The following RBFOX3 variants were observed in gnomAD, a reference collection of about 807,000 sequenced individuals.
RBFOX3 encodes RNA binding protein fox-1 homolog 3.
A neutral mutation model predicts 48.7 loss-of-function variants in RBFOX3; 17 were observed. The observed-to-expected ratio is 0.35, with a 90% CI of 0.24 to 0.52. The LOEUF (loss-of-function observed/expected upper bound fraction) is 0.52, where lower values mean the gene tolerates loss of function less well. Ranked by LOEUF, RBFOX3 falls within the 20% of genes least tolerant of loss-of-function variation. RBFOX3 has a pLI of 0.94. For missense variants in RBFOX3, 382 were observed against 497.5 expected, an observed-to-expected ratio of 0.77 and a Z score of 2.21; for synonymous variants, 212 against 209.5, an observed-to-expected ratio of 1.01 and a Z score of -0.10.
intron 4 of RBFOX3, among the ~76,000 whole-genome samples, chr17:79,123,286 C>T (rs1246705442): frequency 1.3e-5 from 2 of 152,202 alleles, no homozygotes; most frequent in Non-Finnish European, 2.9e-5. Context: ...GTGATTATCA[C>T]ACACTGCATG....
chr17:79,521,740 CAT>C (rs1462407610), intron 1 of RBFOX3, among the ~76,000 whole-genome samples: 7 of 152,162 alleles, frequency 4.6e-5, no homozygotes, highest in Non-Finnish European at 8.8e-5. Flanking sequence ...CACACACACA[CAT>C]ATACATACAC....
rs373288398 is a variant in RBFOX3 at position 79,139,746 on chromosome 17, C to T, written c.-33-23998G>A. On this transcript the variant is annotated intron_variant, in intron 4 of 14. Coordinates refer to ENST00000693108, the MANE Select transcript of RBFOX3 (RefSeq NM_001350451.2). ...ATCCTTCCCAAAGGCAGAAATGGGC[C>T]CTTCTGCCGCTAGGGATCAGCCAGG... Among the ~76,000 whole-genome samples, 139 of 152,272 alleles carry T rather than the reference C, an allele frequency of 9.1e-4. 4 individuals are homozygous for T. In the South Asian group the frequency reaches 0.028, roughly 31 times the overall value.
chr17:79,097,420 C>A lies in RBFOX3; in HGVS notation c.627G>T (p.Thr209=). The change falls in exon 11 of 15, where the codon ACG becomes ACT. Residue 209 remains threonine, a synonymous_variant. Transcript: ENST00000693108. ...TGCCGGTGGTGGGGTAGGGGAACCC[C>A]GTCACTGCAGGAAACGGGGCCCGAG... is the stretch of plus-strand genomic sequence containing the variant. ...AVYGPEFYAV[T]GFPYPTTGTA... 6.5e-7 allele frequency: 1 copy of A among 1,545,578 alleles called. No individual in the cohort carries two copies. The highest frequency in any genetic ancestry group is 8.7e-7 in the Non-Finnish European group (1 of 1,144,650).
At chr17:79,508,885 C>G (rs35615950) in intron 1 of RBFOX3, 43,383 of 152,352 alleles carry the variant, frequency 0.28, 7,333 homozygotes, top group Non-Finnish European at 0.37. Context: ...CACACCAAAG[C>G]CAAGGACTTC....
At chr17:79,202,427 G>A (rs1353430708) in intron 4 of RBFOX3, among the ~76,000 whole-genome samples, 4 of 152,144 alleles carry the variant, frequency 2.6e-5, no homozygotes, top group African/African-American at 7.2e-5. Context: ...CTGTATCCTG[G>A]TAGAGTCTGC....
chr17:79,153,853 C>A (rs964056655), intron 4 of RBFOX3, among the ~76,000 whole-genome samples: 2 of 152,188 alleles, frequency 1.3e-5, no homozygotes, highest in Non-Finnish European at 2.9e-5. Context: ...CACATGCCCA[C>A]ACAGGCCTGA....
At chr17:79,484,377 G>T (rs1487348303) in intron 1 of RBFOX3, among the ~76,000 whole-genome samples, 1 of 152,186 alleles carries the variant, frequency 6.6e-6, no homozygotes, top group Non-Finnish European at 1.5e-5. Flanking sequence ...CCACTGCTGG[G>T]TGTGGGAGCC....
the RBFOX3 span, among the ~76,000 whole-genome samples, chr17:79,620,638 C>CACACAT: frequency 6.8e-6 from 1 of 146,412 alleles, no homozygotes; most frequent in Non-Finnish European, 1.5e-5. Flanking sequence ...CACACGCACA[C>CACACAT]GCACACACAC....
At chr17:79,429,818 C>CA (rs2068084508) in intron 2 of RBFOX3, among the ~76,000 whole-genome samples, 1 of 152,202 alleles carries the variant, frequency 6.6e-6, no homozygotes, top group East Asian at 1.9e-4. Context: ...AACATCCCTA[C>CA]ATTTGTTCTT....
the RBFOX3 span, among the ~76,000 whole-genome samples, chr17:79,641,051 A>G: frequency 6.6e-6 from 1 of 152,354 alleles, no homozygotes; most frequent in East Asian, 1.9e-4. Context: ...TGCAAATCAT[A>G]TATCTAACAA....
chr17:79,122,566 C>T (rs1448677578), intron 4 of RBFOX3, among the ~76,000 whole-genome samples: 5 of 152,036 alleles, frequency 3.3e-5, no homozygotes, highest in East Asian at 3.9e-4. Flanking sequence ...CAAATACTGG[C>T]GAGGATGTGG....
chr17:79,275,554 G>A (rs1435733159), intron 3 of RBFOX3, among the ~76,000 whole-genome samples: 1 of 152,184 alleles, frequency 6.6e-6, no homozygotes. Context: ...GTCCTTGAAG[G>A]GAAGTGAAGG....
Position 79,546,331 on chromosome 17 carries a change from A to T in RBFOX3, c.-319-63733T>A, listed in dbSNP as rs1355553865. Among the ~76,000 whole-genome samples the T allele has an allele frequency of 3.9e-5, 6 of 152,194 alleles. No homozygotes were observed. In the East Asian group the frequency reaches 1.2e-3, roughly 29 times the overall value. On this transcript the variant is annotated intron_variant, in intron 1 of 14. Transcript: ENST00000693108. ...GAGCACCAGCCAAGTGTCTACAGAC[A>T]GTCTCCCTTTTCATCCACACAAACG...
chr17:79,253,338 C>T (rs985077974), intron 3 of RBFOX3, among the ~76,000 whole-genome samples: 3 of 151,410 alleles, frequency 2.0e-5, no homozygotes, highest in African/African-American at 7.3e-5. Context: ...CAAGATGATC[C>T]AGCTGAGGTT....
chr17:79,540,966 G>A (rs1008549391), intron 1 of RBFOX3, among the ~76,000 whole-genome samples: 2 of 152,128 alleles, frequency 1.3e-5, no homozygotes, highest in African/African-American at 2.4e-5. Flanking sequence ...GGGGGGATCT[G>A]CAGGCCCAAG....
At chr17:79,395,727 C>T (rs1156480440) in intron 2 of RBFOX3, among the ~76,000 whole-genome samples, 1 of 152,230 alleles carries the variant, frequency 6.6e-6, no homozygotes, top group East Asian at 1.9e-4. Context: ...AAGGCAGAAG[C>T]GCCTTGCCCA....
intron 1 of RBFOX3, among the ~76,000 whole-genome samples, chr17:79,503,057 C>T (rs1477336711): frequency 6.6e-6 from 1 of 152,198 alleles, no homozygotes; most frequent in Admixed American, 6.5e-5. Flanking sequence ...GAGGGCTTTT[C>T]CGTGCTTACA....
At position 79,195,277 on chromosome 17, in the gene RBFOX3, G is replaced by A. The variant is rs969423796; in HGVS notation, c.-34+40489C>T. Among the ~76,000 whole-genome samples the A allele has an allele frequency of 2.6e-5, 4 of 151,908 alleles. No homozygotes were observed. Among genetic ancestry groups the A allele is most frequent in the Non-Finnish European group, 4.4e-5 (3 of 67,976 alleles). On this transcript the variant is annotated intron_variant, in intron 4 of 14. Coordinates refer to ENST00000693108, the MANE Select transcript of RBFOX3 (RefSeq NM_001350451.2). This position sits in a 1 kb window ranked among gnomAD's most constrained non-coding sequence, Gnocchi z 5.3. ...CCGGACATGGTGGTGGCTCTCGTGC[G>A]TACAGTCCCAGCTACTCAGGAGGCT...
At chr17:79,440,208 C>A (rs1218683189) in intron 2 of RBFOX3, among the ~76,000 whole-genome samples, 1 of 152,226 alleles carries the variant, frequency 6.6e-6, no homozygotes, top group Non-Finnish European at 1.5e-5. Context: ...ACACTGTTTA[C>A]CTGTTATCAG....
Sources: gnomAD v4.1 joint callset for allele counts (sites outside exome capture counted in the v4.1 genomes callset) on GRCh38, gnomAD v4.1.1 for gene constraint, Gnocchi (gnomAD v3.1) non-coding constraint, MANE v1.5 for transcripts, NCBI Gene and HGNC (gene_info 2026-07-23, HGNC 2026-07-21) for gene names.